Variants in KIAA1217 observed in about 807,000 individuals in gnomAD.
The protein encoded by KIAA1217 is KIAA1217.
Under a neutral mutation model 163.9 loss-of-function variants are expected in KIAA1217, and 88 were observed. The ratio of observed to expected loss-of-function variants is 0.54; its 90% CI spans 0.45 to 0.64. KIAA1217 has a LOEUF of 0.64. Among genes scored for constraint, KIAA1217 ranks in the 30% least tolerant of loss-of-function variants. The pLI is 0.00. For synonymous variants in KIAA1217, 903 were observed against 923.1 expected (o/e 0.98, Z 0.39); for missense variants, 2,372 against 2,475.0 (o/e 0.96, Z 0.88).
rs539889780 is a variant in KIAA1217, at chr10:24,412,635, C to T, written c.554-20360C>T. ...TCCATCTCACAAGCTTCCTTATGAC[C>T]TCACTGGCTGGTCCTCCTGGGTCTC... On this transcript the variant is annotated intron_variant, in intron 3 of 20. Transcript: ENST00000376454. 3.3e-5 allele frequency among the ~76,000 whole-genome samples: 5 copies of T among 152,298 alleles called. No individual in the cohort carries two copies. In the South Asian group the frequency reaches 1.0e-3, roughly 32 times the overall value.
intron 3 of KIAA1217, among the ~76,000 whole-genome samples, chr10:24,422,264 G>A (rs1322513479): frequency 6.6e-6 from 1 of 152,092 alleles, no homozygotes; most frequent in Non-Finnish European, 1.5e-5. Context: ...ATTTGGCTGG[G>A]GACATAGCCA....
intron 2 of KIAA1217, among the ~76,000 whole-genome samples, chr10:24,186,855 A>C (rs2066457223): frequency 6.6e-6 from 1 of 152,056 alleles, no homozygotes; most frequent in Non-Finnish European, 1.5e-5. Context: ...GTGGCACTGC[A>C]CTCCAGCCTG....
At chr10:24,408,155 G>A (rs1364505904) in intron 3 of KIAA1217, among the ~76,000 whole-genome samples, 1 of 152,120 alleles carries the variant, frequency 6.6e-6, no homozygotes, top group Non-Finnish European at 1.5e-5. Flanking sequence ...ATCAGTAAAT[G>A]GATATAAAAA....
intron 1 of KIAA1217, among the ~76,000 whole-genome samples, chr10:23,918,731 T>TACACACAC (rs200464517): frequency 2.9e-5 from 4 of 137,914 alleles, no homozygotes; most frequent in African/African-American, 1.3e-4. Flanking sequence ...GAATTAAATA[T>TACACACAC]ATACACACAC....
intron 1 of KIAA1217, among the ~76,000 whole-genome samples, chr10:23,977,523 G>C (rs1247178923): frequency 6.6e-6 from 1 of 152,020 alleles, no homozygotes; most frequent in African/African-American, 2.4e-5. Flanking sequence ...AACAAGAAAG[G>C]GGAAAGTAAC....
intron 3 of KIAA1217, among the ~76,000 whole-genome samples, chr10:24,417,046 T>G (rs996426443): frequency 2.6e-5 from 4 of 152,164 alleles, no homozygotes; most frequent in African/African-American, 9.7e-5. Flanking sequence ...CTATGAGAGC[T>G]GGCAATGGAT....
chr10:23,947,694 G>C (rs772656766), intron 1 of KIAA1217, among the ~76,000 whole-genome samples: 1 of 152,104 alleles, frequency 6.6e-6, no homozygotes, highest in East Asian at 1.9e-4. Flanking sequence ...GCCTTACTAT[G>C]TGTCAGGCAC....
intron 1 of KIAA1217, among the ~76,000 whole-genome samples, chr10:23,980,654 G>T (rs1343769451): frequency 6.6e-6 from 1 of 152,080 alleles, no homozygotes; most frequent in African/African-American, 2.4e-5. Flanking sequence ...CCCTACTTTG[G>T]CCTCATTTGC....
At chr10:24,159,977 G>A (rs1251480884) in intron 2 of KIAA1217, among the ~76,000 whole-genome samples, 2 of 152,030 alleles carry the variant, frequency 1.3e-5, no homozygotes, top group African/African-American at 4.8e-5. Flanking sequence ...TTTCCCCATA[G>A]AATTGCCTTT....
At chr10:24,334,078 A>T (rs1474905806) in intron 2 of KIAA1217, among the ~76,000 whole-genome samples, 1 of 152,146 alleles carries the variant, frequency 6.6e-6, no homozygotes, top group East Asian at 1.9e-4. Flanking sequence ...CTTCTAAGAG[A>T]TCTTTAAAAT....
chr10:24,232,934 A>C (rs1258551723), intron 2 of KIAA1217, among the ~76,000 whole-genome samples: 1 of 118,750 alleles, frequency 8.4e-6, no homozygotes, highest in Admixed American at 8.4e-5. Flanking sequence ...CCTTATCTCT[A>C]CAAAAAAAAA....
At chr10:24,223,854 A>T in intron 2 of KIAA1217, among the ~76,000 whole-genome samples, 1 of 13,192 alleles carries the variant, frequency 7.6e-5, no homozygotes, top group South Asian at 3.2e-3. Context: ...CACCCCGCCC[A>T]CCCCCAGATA....
intron 2 of KIAA1217, among the ~76,000 whole-genome samples, chr10:24,089,574 T>G (rs955503520): frequency 5.9e-5 from 9 of 151,644 alleles, no homozygotes; most frequent in Non-Finnish European, 1.0e-4. Context: ...ATTGCTTGTT[T>G]TTGTCAGGTT....
intron 5 of KIAA1217, among the ~76,000 whole-genome samples, chr10:24,455,171 A>G (rs1173066806): frequency 6.6e-6 from 1 of 152,222 alleles, no homozygotes; most frequent in African/African-American, 2.4e-5. Context: ...AATGCTAATA[A>G]GTTTCTATTC....
chr10:24,420,623 A>G (rs1006085688), intron 3 of KIAA1217, among the ~76,000 whole-genome samples: 1 of 152,150 alleles, frequency 6.6e-6, no homozygotes, highest in Non-Finnish European at 1.5e-5. Flanking sequence ...TGGTGTTTTT[A>G]GTTTTTTGTT....
chr10:23,899,991 C>G (rs966948653), intron 1 of KIAA1217, among the ~76,000 whole-genome samples: 6 of 150,772 alleles, frequency 4.0e-5, no homozygotes, highest in Non-Finnish European at 5.9e-5. Context: ...TCTCTCCCTC[C>G]TTCCCTTTCT....
chr10:24,151,173 G>T (rs1311208110), intron 2 of KIAA1217, among the ~76,000 whole-genome samples: 1 of 152,060 alleles, frequency 6.6e-6, no homozygotes, highest in Non-Finnish European at 1.5e-5. Flanking sequence ...CGCTTCTCCT[G>T]TTGTTCATTT....
intron 3 of KIAA1217, among the ~76,000 whole-genome samples, chr10:24,418,092 A>T (rs1219229520): frequency 6.6e-6 from 1 of 151,590 alleles, no homozygotes; most frequent in African/African-American, 2.4e-5. Flanking sequence ...GACTACAGGC[A>T]TCTGCCACCA....
chr10:23,964,697 A>G (rs1048749491), intron 1 of KIAA1217, among the ~76,000 whole-genome samples: 16 of 152,032 alleles, frequency 1.1e-4, no homozygotes, highest in African/African-American at 3.9e-4. Context: ...CTGGGGCTTC[A>G]GGTGCATGCC....
Sources: gnomAD v4.1 joint callset for allele counts (sites outside exome capture counted in the v4.1 genomes callset) on GRCh38, gnomAD v4.1.1 for gene constraint, MANE v1.5 for transcripts, NCBI Gene and HGNC (gene_info 2026-07-23, HGNC 2026-07-21) for gene names.